TBC1D32: variants seen among roughly 807,000 people sequenced by gnomAD.
TBC1D32 encodes the protein TBC1 domain family member 32, also known as protein broad-minded.
TBC1D32 carries 151 observed loss-of-function variants against 170.3 expected under a neutral mutation model. The observed-to-expected ratio is 0.89, with a 90% CI of 0.78 to 1.01. TBC1D32 has a LOEUF of 1.01. TBC1D32 is among the 50% of genes least tolerant of loss of function. The pLI, the probability that TBC1D32 is intolerant of heterozygous loss-of-function variation, is 0.00. For synonymous variants in TBC1D32, 498 were observed against 488.0 expected, an observed-to-expected ratio of 1.02 and a Z score of -0.27; for missense variants, 1,464 against 1,457.1, an observed-to-expected ratio of 1.00 and a Z score of -0.08.
intron 25 of TBC1D32, 54 bp downstream of exon 25, chr6:121,131,573 T>C: frequency 6.5e-7 from 1 of 1,548,580 alleles, no homozygotes; most frequent in South Asian, 1.2e-5. Flanking sequence ...CCACAGATTC[T>C]ATTAATATAA....
At chr6:121,270,845 C>T (rs927428815) in intron 15 of TBC1D32, among the ~76,000 whole-genome samples, 6 of 152,156 alleles carry the variant, frequency 3.9e-5, no homozygotes, top group Non-Finnish European at 4.4e-5. Context: ...TGATGAACAT[C>T]GATGCAAAAA....
chr6:121,115,149 G>A (rs887724351), intron 27 of TBC1D32, 23 bp downstream of exon 27: 1 of 1,555,488 alleles, frequency 6.4e-7, no homozygotes, highest in Non-Finnish European at 8.7e-7. Flanking sequence ...AATGCACAAG[G>A]GAGCTATTTC....
chr6:121,285,740 G>T (rs1473858675), intron 12 of TBC1D32, among the ~76,000 whole-genome samples: 1 of 152,190 alleles, frequency 6.6e-6, no homozygotes, highest in Admixed American at 6.5e-5. Flanking sequence ...GCACCCCCCA[G>T]TAGGGGCAGA....
At chr6:121,094,865 T>A (rs764290860) in intron 30 of TBC1D32, among the ~76,000 whole-genome samples, 15 of 152,194 alleles carry the variant, frequency 9.9e-5, no homozygotes, top group Non-Finnish European at 1.6e-4. Flanking sequence ...TGTGGATACG[T>A]ATTTTCAAAT....
Position 121,283,906 on chromosome 6 carries a change from C to T in TBC1D32, c.1377G>A (p.Leu459=). Residue 459 remains leucine (L), a synonymous_variant, in exon 13 of 32, where the codon TTG becomes TTA. Coordinates refer to ENST00000398212, the MANE Select transcript of TBC1D32 (RefSeq NM_152730.6). ...FPIKLKNKKG[L]VSLIDLLVLF... ...GAACAAGCAGATCTATGAGGGATAC[C>T]AAACCTTTAAAAAGAAAATAAAGAG... The T allele has an allele frequency of 1.1e-5, 18 of 1,591,676 alleles. No individual in the cohort carries two copies. The highest frequency in any genetic ancestry group is 1.5e-5 in the Non-Finnish European group (18 of 1,166,444).
intron 2 of TBC1D32, among the ~76,000 whole-genome samples, chr6:121,319,208 G>T (rs1809347622): frequency 6.6e-6 from 1 of 151,988 alleles, no homozygotes; most frequent in Non-Finnish European, 1.5e-5. Flanking sequence ...GGAACCGCTA[G>T]GGGGAGAAAC....
At chr6:121,263,875 T>G (rs180798012) in intron 15 of TBC1D32, among the ~76,000 whole-genome samples, 508 of 152,278 alleles carry the variant, frequency 3.3e-3, no homozygotes, top group Non-Finnish European at 5.5e-3. Flanking sequence ...AATCAAGAAT[T>G]TCTTTGAAGC....
chr6:121,162,264 T>C (rs1482760184), intron 22 of TBC1D32, among the ~76,000 whole-genome samples: 1 of 152,246 alleles, frequency 6.6e-6, no homozygotes, highest in Non-Finnish European at 1.5e-5. Flanking sequence ...ATGAAATCTT[T>C]GCCCATGACT....
intron 1 of TBC1D32, among the ~76,000 whole-genome samples, chr6:121,329,856 G>A (rs1810978970): frequency 6.6e-6 from 1 of 151,740 alleles, no homozygotes; most frequent in African/African-American, 2.4e-5. Context: ...TATCACATTA[G>A]TATACATAAG....
intron 15 of TBC1D32, among the ~76,000 whole-genome samples, chr6:121,263,553 C>A (rs1286473178): frequency 6.6e-6 from 1 of 152,108 alleles, no homozygotes; most frequent in Non-Finnish European, 1.5e-5. Context: ...AGAAAATTAA[C>A]AAGGATACTC....
At chr6:121,306,010 A>C (rs1807268787) in intron 5 of TBC1D32, among the ~76,000 whole-genome samples, 1 of 152,160 alleles carries the variant, frequency 6.6e-6, no homozygotes, top group Non-Finnish European at 1.5e-5. Flanking sequence ...AAATAAAGGA[A>C]ACCTATTCTG....
At chr6:121,115,267 T>A (rs375824252) in intron 26 of TBC1D32, 26 bp from the exon 27 acceptor site, 7 of 1,493,024 alleles carry the variant, frequency 4.7e-6, no homozygotes, top group Non-Finnish European at 6.3e-6. Flanking sequence ...AACTGAGTTA[T>A]AAAGTGCAGA....
chr6:121,130,868 A>G lies in TBC1D32; in HGVS notation c.2899+759T>C, dbSNP rs945280765. Reference sequence around the variant, plus strand: ...TTATAAATATCTGGGGGGATAAAACATAGTTTAACTGCTCACTTTATACTC... The same window carrying G: ...TTATAAATATCTGGGGGGATAAAACGTAGTTTAACTGCTCACTTTATACTC... On this transcript the variant is annotated intron_variant, in intron 25 of 31. Coordinates refer to ENST00000398212, the MANE Select transcript of TBC1D32 (RefSeq NM_152730.6). 2.6e-5 allele frequency among the ~76,000 whole-genome samples: 4 copies of G among 152,274 alleles called. No individual in the cohort carries two copies. In the East Asian group the frequency reaches 5.8e-4, roughly 22 times the overall value.
At chr6:121,261,168 C>T (rs552360371) in intron 15 of TBC1D32, among the ~76,000 whole-genome samples, 20 of 152,270 alleles carry the variant, frequency 1.3e-4, no homozygotes, top group South Asian at 6.2e-4. Context: ...AAGGGGTGAC[C>T]GCAGTCTCTA....
chr6:121,106,765 A>G (rs1778728127), intron 29 of TBC1D32, among the ~76,000 whole-genome samples: 1 of 151,994 alleles, frequency 6.6e-6, no homozygotes, highest in African/African-American at 2.4e-5. Context: ...CAGGCCAACT[A>G]TTTTGTATAA....
intron 15 of TBC1D32, among the ~76,000 whole-genome samples, chr6:121,268,027 G>A (rs945770785): frequency 6.6e-6 from 1 of 152,130 alleles, no homozygotes; most frequent in African/African-American, 2.4e-5. Flanking sequence ...AACTCCAACA[G>A]ACCTGCACCG....
At chr6:121,213,466 T>TAAAATAAAATAA (rs201894524) in intron 21 of TBC1D32, among the ~76,000 whole-genome samples, 3 of 24,766 alleles carry the variant, frequency 1.2e-4, no homozygotes, top group Admixed American at 3.5e-4. Flanking sequence ...ACAAAAATAA[T>TAAAATAAAATAA]AATAAAATAA....
intron 22 of TBC1D32, among the ~76,000 whole-genome samples, chr6:121,194,677 C>T (rs889313063): frequency 1.3e-5 from 2 of 152,198 alleles, no homozygotes; most frequent in African/African-American, 4.8e-5. Context: ...TCCATAAGGC[C>T]CACCAGAAGC....
At chr6:121,090,621 G>A (rs1448067701) in intron 31 of TBC1D32, among the ~76,000 whole-genome samples, 3 of 152,118 alleles carry the variant, frequency 2.0e-5, no homozygotes, top group Non-Finnish European at 4.4e-5. Flanking sequence ...GGGTTACAAA[G>A]TGTTGGATCC....
Sources: gnomAD v4.1 joint callset for allele counts (sites outside exome capture counted in the v4.1 genomes callset) on GRCh38, gnomAD v4.1.1 for gene constraint, MANE v1.5 for transcripts, NCBI Gene and HGNC (gene_info 2026-07-23, HGNC 2026-07-21) for gene names.